SELENOW: variants seen among roughly 807,000 people sequenced by gnomAD.
SELENOW encodes the protein selenoprotein W, 1.
Under a neutral mutation model 16.6 loss-of-function variants are expected in SELENOW, and 20 were observed. That is an observed-to-expected ratio of 1.21 (90% CI 0.85 to 1.76). SELENOW has a LOEUF of 1.76. Ranked by LOEUF, SELENOW falls within the 40% of genes most tolerant of loss-of-function variation. The pLI is 0.00. For synonymous variants in SELENOW, 44 were observed against 46.2 expected (o/e 0.95, Z 0.19); for missense variants, 124 against 111.0 (o/e 1.12, Z -0.53).
rs1345792319 is a variant in SELENOW at position 47,784,273 on chromosome 19, T to A, written c.*19-17T>A. 1 of 152,672 alleles carries A rather than the reference T, an allele frequency of 6.5e-6. No individual in the cohort carries two copies. Among genetic ancestry groups the A allele is most frequent in the Non-Finnish European group, 1.5e-5 (1 of 68,134 alleles). The allele number at this position is 152,672 out of a possible 1,614,324, so 9.5% of individuals were successfully genotyped here. A position where few individuals can be genotyped will look rare whatever the true frequency, so the allele number is the denominator to read the frequency against. On this transcript the variant is annotated splice_polypyrimidine_tract_variant and intron_variant, in intron 5 of 5. Transcript: ENST00000601048. ...AAACTGACTCCCTACCCCAACCACC[T>A]CTTTTTCTCTCCACAGTCCAGGGAC...
At position 47,779,085 on chromosome 19, in the gene SELENOW, C is replaced by T. The variant is rs549375905; in HGVS notation, c.29+271C>T. 1.3e-4 allele frequency: 65 copies of T among 494,594 alleles called. No individual in the cohort carries two copies. In the East Asian group the frequency reaches 2.2e-3, roughly 17 times the overall value. The allele number at this position is 494,594 out of a possible 1,614,324, so 30.6% of individuals were successfully genotyped here. On this transcript the variant is annotated intron_variant, in intron 1 of 5. Coordinates refer to ENST00000601048, the MANE Select transcript of SELENOW (RefSeq NM_003009.4). ...TGTGTCAATTTCGAACCCCCGACTC[C>T]GGGGCTCCGCTGGGGAAGGGGCTGG...
rs780224030 is a variant in SELENOW at position 47,780,896 on chromosome 19, G to A, written c.87G>A (p.Glu29=). The A allele has an allele frequency of 1.9e-6, 3 of 1,613,356 alleles. No individual in the cohort carries two copies. The highest frequency in any genetic ancestry group is 2.5e-6 in the Non-Finnish European group (3 of 1,179,754). Residue 29 remains glutamate, a synonymous_variant, in exon 3 of 6, where the codon GAG becomes GAA. Transcript: ENST00000601048. ...YLQLKKKLED[E]FPGRLDICGE... ...AGCTCAAGAAGAAGTTAGAAGATGA[G>A]TTCCCCGGCCGCCTGGACATCGTGA...
In SELENOW at chr19:47,780,893, T is replaced by A. The variant is rs758446273; in HGVS notation, c.84T>A (p.Asp28Glu). 6.2e-7 allele frequency: 1 copy of A among 1,613,372 alleles called. No individual in the cohort carries two copies. The highest frequency in any genetic ancestry group is 1.7e-5 in the Admixed American group (1 of 59,898). Residue 28 changes from aspartate (D) to glutamate (E), a missense_variant, in exon 3 of 6, where the codon GAT becomes GAA. Physicochemically the swap from Asp to Glu is conservative, Grantham distance 45. Transcript: ENST00000601048. ...TTCAGCTCAAGAAGAAGTTAGAAGA[T>A]GAGTTCCCCGGCCGCCTGGACATCG... Reference protein sequence around the residue: ...KYLQLKKKLEDEFPGRLDICG... With the variant: ...KYLQLKKKLEEEFPGRLDICG...
Position 47,778,776 on chromosome 19 carries a change from G to T in SELENOW, c.-10G>T, listed in dbSNP as rs535167473. ...CGTCCGCTCCTCAGCGGATGTGGCA[G>T]CCCCGAGCCATGGCTCTCGCCGTCC... On this transcript the variant is annotated 5_prime_UTR_variant, in exon 1 of 6. Coordinates refer to ENST00000601048, the MANE Select transcript of SELENOW (RefSeq NM_003009.4). 2.6e-5 allele frequency: 41 copies of T among 1,602,826 alleles called. 1 individual carries two copies. The South Asian group carries it at 2.6e-4, about 10-fold the overall frequency.
chr19:47,781,501 G>T (rs1967476573), intron 5 of SELENOW, 113 bp downstream of exon 5: 3 of 667,216 alleles, frequency 4.5e-6, no homozygotes, highest in Non-Finnish European at 8.0e-6. Context: ...CATCACGTGT[G>T]TCCCCAGAGC....
At chr19:47,782,092 C>T (rs1268148995) in intron 5 of SELENOW, 1 of 153,178 alleles carries the variant, frequency 6.5e-6, no homozygotes, top group East Asian at 1.9e-4. Flanking sequence ...GTCCCATTGC[C>T]AAGAAACAGT....
chr19:47,779,828 A>G, intron 1 of SELENOW: 1 of 175,210 alleles, frequency 5.7e-6, no homozygotes, highest in Non-Finnish European at 1.2e-5. Context: ...AAGTAAATTA[A>G]AGAGAGGAAT....
At position 47,778,896 on chromosome 19, in the gene SELENOW, A is replaced by G. The variant is rs542582049; in HGVS notation, c.29+82A>G. The G allele has an allele frequency of 4.2e-5, 59 of 1,419,058 alleles. No individual in the cohort carries two copies. The South Asian group carries it at 4.8e-4, about 12-fold the overall frequency. 87.9% of individuals were successfully genotyped at this position (1,419,058 alleles called of 1,614,324 possible). On this transcript the variant is annotated intron_variant, in intron 1 of 5. Transcript: ENST00000601048. ...GAGCCGGGGTCAGGGAGCCCCGGGG[A>G]GAGGACCCATGGGAGCCCTTGTATG...
chr19:47,781,693 G>C (rs1245736338), intron 5 of SELENOW: 4 of 463,692 alleles, frequency 8.6e-6, no homozygotes, highest in Non-Finnish European at 1.6e-5. Flanking sequence ...CAGGATGACA[G>C]CTGAGATGGT....
intron 5 of SELENOW, chr19:47,781,631 G>A (rs1967478175): frequency 1.8e-6 from 1 of 558,086 alleles, no homozygotes; most frequent in South Asian, 2.0e-5. Context: ...AGCTGAGATG[G>A]GGTCAAAGGT....
In SELENOW at chr19:47,778,737, T is replaced by C. The variant is rs370516848; in HGVS notation, c.-49T>C. On this transcript the variant is annotated 5_prime_UTR_variant, in exon 1 of 6. Transcript: ENST00000601048. ...GACCTAGCGCGTCCAGGTGGGAGGT[T>C]AGTGTGGCCCGGGCGTCCGCTCCTC... 1 of 1,581,034 alleles carries C rather than the reference T, an allele frequency of 6.3e-7. No individual in the cohort carries two copies. Among genetic ancestry groups the C allele is most frequent in the East Asian group, 2.3e-5 (1 of 42,734 alleles).
At position 47,784,639 on chromosome 19, in the gene SELENOW, G is replaced by A. The variant is rs1339084395; in HGVS notation, c.*368G>A. 5 of 152,204 alleles carry A rather than the reference G, an allele frequency of 3.3e-5. No individual in the cohort carries two copies. The highest frequency in any genetic ancestry group is 6.6e-5 in the Admixed American group (1 of 15,266). 9.4% of individuals were successfully genotyped at this position (152,204 alleles called of 1,614,324 possible). On this transcript the variant is annotated 3_prime_UTR_variant, in exon 6 of 6. Coordinates refer to ENST00000601048, the MANE Select transcript of SELENOW (RefSeq NM_003009.4). Reference sequence around the variant, plus strand: ...TGGGTGGGTTTCTGATTGTGGCAACGTTTGCAACCGTTCACGATTCAATAA... The same window carrying A: ...TGGGTGGGTTTCTGATTGTGGCAACATTTGCAACCGTTCACGATTCAATAA...
rs543357588 is a variant in SELENOW, at chr19:47,784,378, G to A, written c.*107G>A. 3 of 152,696 alleles carry A rather than the reference G, an allele frequency of 2.0e-5. No individual in the cohort carries two copies. The highest frequency in any genetic ancestry group is 1.9e-4 in the East Asian group (1 of 5,196). 9.5% of individuals were successfully genotyped at this position (152,696 alleles called of 1,614,324 possible). ...TGTGGACACCTGGTCTTTCCCTGAT[G>A]TTCTCGTGGCTGCTGTTGGGGGCAG... On this transcript the variant is annotated 3_prime_UTR_variant, in exon 6 of 6. Transcript: ENST00000601048.
At chr19:47,778,887 G>T in intron 1 of SELENOW, 73 bp downstream of exon 1, 1 of 1,479,524 alleles carries the variant, frequency 6.8e-7, no homozygotes, top group Non-Finnish European at 9.2e-7. Flanking sequence ...GGGTCAGGGA[G>T]CCCCGGGGAG....
intron 5 of SELENOW, 95 bp downstream of exon 5, chr19:47,781,483 G>A: frequency 2.8e-6 from 2 of 714,662 alleles, no homozygotes; most frequent in Admixed American, 4.6e-5. Context: ...CCTGGGAGAT[G>A]GGGGGGACAT....
chr19:47,780,975 C>A, intron 3 of SELENOW, 58 bp downstream of exon 3: 1 of 1,590,360 alleles, frequency 6.3e-7, no homozygotes, highest in Non-Finnish European at 8.6e-7. Context: ...GTCCGTTAGG[C>A]CTGGATGGCA....
chr19:47,780,045 G>A (rs1967454122), intron 1 of SELENOW: 1 of 428,808 alleles, frequency 2.3e-6, no homozygotes, highest in South Asian at 1.6e-5. Flanking sequence ...TTCCAGTCCC[G>A]AAATAGCCTG....
Position 47,778,731 on chromosome 19 carries a change from G to T in SELENOW, c.-55G>T. The T allele has an allele frequency of 6.3e-7, 1 of 1,575,218 alleles. No individual in the cohort carries two copies. The highest frequency in any genetic ancestry group is 2.4e-5 in the East Asian group (1 of 42,412). ...CGCGCAGACCTAGCGCGTCCAGGTG[G>T]GAGGTTAGTGTGGCCCGGGCGTCCG... On this transcript the variant is annotated 5_prime_UTR_variant, in exon 1 of 6. Transcript: ENST00000601048.
chr19:47,781,361 T>G lies in SELENOW; in HGVS notation c.255T>G (p.Ala85=). 1 of 1,597,194 alleles carries G rather than the reference T, an allele frequency of 6.3e-7. No individual in the cohort carries two copies. Among genetic ancestry groups the G allele is most frequent in the Non-Finnish European group, 8.5e-7 (1 of 1,170,760 alleles). ...TGGCCGCCATCAAAGCCGCCTTGGC[T>G]CAGGGCTAATGCGCCCTGAAGGCAG... ...KLVAAIKAAL[A]QG Residue 85 remains alanine, a synonymous_variant, in exon 5 of 6, where the codon GCT becomes GCG. Transcript: ENST00000601048.
Sources: allele counts gnomAD v4.1 joint callset, GRCh38; gene constraint gnomAD v4.1.1; transcripts MANE v1.5; gene names NCBI Gene and HGNC (gene_info 2026-07-23, HGNC 2026-07-21).